Variants in EBF1 observed in about 807,000 individuals in gnomAD.
EBF1 encodes the protein transcription factor COE1.
A neutral mutation model predicts 68.4 loss-of-function variants in EBF1; 10 were observed. The observed-to-expected ratio is 0.15, with a 90% CI of 0.09 to 0.25. The LOEUF (loss-of-function observed/expected upper bound fraction) is 0.25, where lower values mean the gene tolerates loss of function less well. EBF1 is among the 10% of genes least tolerant of loss of function. The pLI is 1.00. For synonymous variants in EBF1, 298 were observed against 299.8 expected, an observed-to-expected ratio of 0.99 and a Z score of 0.06; for missense variants, 509 against 794.4, an observed-to-expected ratio of 0.64 and a Z score of 4.32.
intron 6 of EBF1, among the ~76,000 whole-genome samples, chr5:158,959,674 T>C (rs1817790074): frequency 6.6e-6 from 1 of 152,090 alleles, no homozygotes; most frequent in Non-Finnish European, 1.5e-5. Flanking sequence ...TGTATGTATA[T>C]ATATATATAC....
intron 6 of EBF1, among the ~76,000 whole-genome samples, chr5:159,028,547 G>A (rs1316741109): frequency 6.6e-6 from 1 of 152,170 alleles, no homozygotes; most frequent in African/African-American, 2.4e-5. Context: ...TTCTACGGGT[G>A]GGGGTGAAGG....
chr5:158,936,776 T>C (rs1430096283), intron 6 of EBF1, among the ~76,000 whole-genome samples: 2 of 152,200 alleles, frequency 1.3e-5, no homozygotes, highest in African/African-American at 4.8e-5. Flanking sequence ...TTGTTGATCT[T>C]CCACTTCCCC....
chr5:158,982,986 G>T (rs930971381), intron 6 of EBF1: 21 of 152,286 alleles, frequency 1.4e-4, no homozygotes, highest in African/African-American at 4.8e-4. Context: ...TGCCGCCCCT[G>T]GCACCAGGCT....
intron 6 of EBF1, among the ~76,000 whole-genome samples, chr5:158,863,850 CAA>C: frequency 6.6e-6 from 1 of 152,082 alleles, no homozygotes; most frequent in Admixed American, 6.5e-5. Context: ...TAAATGATGC[CAA>C]AGTCTCATGA....
At chr5:159,045,695 T>C (rs975271903) in intron 6 of EBF1, among the ~76,000 whole-genome samples, 2 of 152,170 alleles carry the variant, frequency 1.3e-5, no homozygotes, top group Non-Finnish European at 2.9e-5. Flanking sequence ...GACAATGAAG[T>C]AGGATGGAAG....
chr5:158,711,898 C>A (rs1408566086), intron 14 of EBF1, among the ~76,000 whole-genome samples: 1 of 152,160 alleles, frequency 6.6e-6, no homozygotes, highest in East Asian at 1.9e-4. Flanking sequence ...CCTGAAGCGA[C>A]TTCATACAGC....
At chr5:158,812,267 C>T (rs1435750228) in intron 8 of EBF1, among the ~76,000 whole-genome samples, 3 of 152,154 alleles carry the variant, frequency 2.0e-5, no homozygotes, top group Non-Finnish European at 4.4e-5. Flanking sequence ...TGTTAAGGAA[C>T]TAAACAGAGT....
At chr5:158,869,347 A>T (rs960281821) in intron 6 of EBF1, among the ~76,000 whole-genome samples, 1 of 152,112 alleles carries the variant, frequency 6.6e-6, no homozygotes, top group Non-Finnish European at 1.5e-5. Context: ...GACCCAAAGG[A>T]TCTGGATACC....
chr5:159,089,987 AAT>A (rs1781343975), intron 4 of EBF1, among the ~76,000 whole-genome samples: 1 of 152,050 alleles, frequency 6.6e-6, no homozygotes, highest in Non-Finnish European at 1.5e-5. Context: ...GTACCTTGAA[AAT>A]ATGTTACTCC....
intron 6 of EBF1, among the ~76,000 whole-genome samples, chr5:159,030,501 C>T (rs1768565285): frequency 6.6e-6 from 1 of 152,164 alleles, no homozygotes; most frequent in African/African-American, 2.4e-5. Flanking sequence ...AGATTCCCTC[C>T]AGAGGAGCTG....
At chr5:158,750,892 A>T (rs935836152) in intron 10 of EBF1, among the ~76,000 whole-genome samples, 3 of 152,168 alleles carry the variant, frequency 2.0e-5, no homozygotes, top group Admixed American at 2.0e-4. Context: ...GTATCATTAT[A>T]CGAGTATAAA....
At position 158,823,229 on chromosome 5, in the gene EBF1, C is replaced by T. The variant is rs768597902; in HGVS notation, c.725G>A (p.Arg242Gln). The T allele has an allele frequency of 3.1e-6, 5 of 1,613,958 alleles. No individual in the cohort carries two copies. The highest frequency in any genetic ancestry group is 1.7e-5 in the Admixed American group (1 of 59,986). Residue 242 changes from arginine (R) to glutamine (Q), a missense_variant, in exon 8 of 16, where the codon CGG becomes CAG. Around this residue, in one of 3 missense-constraint regions of EBF1, gnomAD observed 230 missense variants for 467.7 expected, o/e 0.49. Coordinates refer to ENST00000313708, the MANE Select transcript of EBF1 (RefSeq NM_024007.5). ...MFVHNNSKHG[R>Q]RARRLDPSEG... is the part of the protein sequence containing the mutation. ...CGAGGGGTCAAGCCTCCGAGCCCTC[C>T]GCCCATGCTTGGAATTATTATGGAC...
intron 6 of EBF1, among the ~76,000 whole-genome samples, chr5:158,965,907 C>T (rs915569680): frequency 1.3e-5 from 2 of 152,154 alleles, no homozygotes; most frequent in Admixed American, 1.3e-4. Flanking sequence ...ATGGGTACAA[C>T]GGTGTCATCA....
At chr5:158,863,825 T>C (rs1413495727) in intron 6 of EBF1, among the ~76,000 whole-genome samples, 2 of 152,178 alleles carry the variant, frequency 1.3e-5, no homozygotes, top group African/African-American at 4.8e-5. Context: ...TGGTGTGCTC[T>C]AAACATATTT....
intron 6 of EBF1, among the ~76,000 whole-genome samples, chr5:158,977,993 C>T (rs1757120367): frequency 6.6e-6 from 1 of 152,190 alleles, no homozygotes; most frequent in South Asian, 2.1e-4. Flanking sequence ...GAAGAGGCTG[C>T]CTCACACCCA....
intron 5 of EBF1, among the ~76,000 whole-genome samples, chr5:159,074,821 CT>C (rs554146051): frequency 2.7e-3 from 411 of 152,304 alleles, no homozygotes; most frequent in Middle Eastern, 6.8e-3. Flanking sequence ...CTTTCACCTT[CT>C]GATTCAGAGG....
chr5:159,006,530 C>T (rs2127664268), intron 6 of EBF1, among the ~76,000 whole-genome samples: 1 of 151,070 alleles, frequency 6.6e-6, no homozygotes, highest in South Asian at 2.1e-4. Context: ...AGTCAAGAAC[C>T]ATAATCACCA....
At chr5:158,803,775 T>C (rs1781060162) in intron 8 of EBF1, among the ~76,000 whole-genome samples, 1 of 152,054 alleles carries the variant, frequency 6.6e-6, no homozygotes, top group Admixed American at 6.6e-5. Flanking sequence ...GATTTGTTTC[T>C]GCCTTACTTT....
At chr5:159,000,234 A>G (rs1762266897) in intron 6 of EBF1, among the ~76,000 whole-genome samples, 1 of 152,210 alleles carries the variant, frequency 6.6e-6, no homozygotes, top group Non-Finnish European at 1.5e-5. Flanking sequence ...ATGTTGTTGA[A>G]GTAATAAAAC....
Sources: allele counts gnomAD v4.1 joint callset (sites outside exome capture counted in the v4.1 genomes callset), GRCh38; gene constraint gnomAD v4.1.1; regional missense constraint gnomAD v4.1.1; transcripts MANE v1.5; gene names NCBI Gene and HGNC (gene_info 2026-07-23, HGNC 2026-07-21).